Variants in PDSS1 observed in about 807,000 individuals in gnomAD.
PDSS1 encodes the protein decaprenyl diphosphate synthase subunit 1, also known as all trans-polyprenyl-diphosphate synthase PDSS1.
A neutral mutation model predicts 57.5 loss-of-function variants in PDSS1; 43 were observed. The ratio of observed to expected loss-of-function variants is 0.75; its 90% CI spans 0.59 to 0.96. PDSS1 has a LOEUF of 0.96. Ranked by LOEUF, PDSS1 falls within the 50% of genes least tolerant of loss-of-function variation. The probability of loss-of-function intolerance (pLI) is 0.00; values close to 1 mark genes in which losing one functional copy is unlikely to be tolerated. For synonymous variants in PDSS1, 175 were observed against 191.3 expected (o/e 0.91, Z 0.70); for missense variants, 438 against 527.8 (o/e 0.83, Z 1.67).
rs1363963633 is a variant in PDSS1 at position 26,746,379 on chromosome 10, A to G, written c.1154A>G (p.His385Arg). The change falls in exon 12 of 12, where the codon CAT (histidine) becomes CGT (arginine). Residue 385 changes from histidine to arginine, a missense_variant. Physicochemically the swap from His to Arg is conservative, Grantham distance 29. Around this residue, in one of 2 missense-constraint regions of PDSS1, gnomAD observed 284 missense variants for 390.7 expected, o/e 0.73. Transcript: ENST00000376215. ...ACCTACCTCGCCCAGCAGTACTGCC[A>G]TGAAGCAATAAGAGAGATCAGTAAA... ...QTTYLAQQYC[H>R]EAIREISKLR... 3 of 1,614,144 alleles carry G rather than the reference A, an allele frequency of 1.9e-6. No homozygotes were observed. The highest frequency in any genetic ancestry group is 2.5e-6 in the Non-Finnish European group (3 of 1,179,964).
intron 1 of PDSS1, among the ~76,000 whole-genome samples, chr10:26,698,127 C>T (rs1295348557): frequency 6.6e-6 from 1 of 151,790 alleles, no homozygotes; most frequent in African/African-American, 2.4e-5. Flanking sequence ...GATCCGTGTC[C>T]TGGGGGAAGC....
chr10:26,720,372 G>GGTTTTT lies in PDSS1; in HGVS notation c.609+14_609+19dup. ...GGGTGAAAAGAAGGTATGGTTTTTTGGTTTTTTTAAAATCTCTCTTACTGA... is the reference window on the plus strand; with the variant it reads ...GGGTGAAAAGAAGGTATGGTTTTTTGGTTTTTGTTTTTTTAAAATCTCTCTTACTGA... On this transcript the variant is annotated intron_variant, in intron 6 of 11. Transcript: ENST00000376215. 1.3e-6 allele frequency: 2 copies of GGTTTTT among 1,585,606 alleles called. No individual in the cohort carries two copies. Among genetic ancestry groups the GGTTTTT allele is most frequent in the Non-Finnish European group, 1.7e-6 (2 of 1,154,030 alleles).
At position 26,710,132 on chromosome 10, in the gene PDSS1, C is replaced by T. The variant is rs1375034514; in HGVS notation, c.467+364C>T. 6.3e-4 allele frequency among the ~76,000 whole-genome samples: 21 copies of T among 33,084 alleles called. 8 individuals are homozygous for T. The highest frequency in any genetic ancestry group is 5.0e-3 in the Admixed American group (12 of 2,404). The allele number at this position is 33,084 out of a possible 152,430, so 21.7% of individuals were successfully genotyped here. ...TCACGCCATTGCACTCCAGCCTGGG[C>T]GACAGAGCGAGACTCTTGTCTTAAA... On this transcript the variant is annotated intron_variant, in intron 5 of 11. Transcript: ENST00000376215.
chr10:26,746,584 A>T lies in PDSS1; in HGVS notation c.*111A>T, dbSNP rs1308564648. 39 of 1,187,442 alleles carry T rather than the reference A, an allele frequency of 3.3e-5. No homozygotes were observed. Among genetic ancestry groups the T allele is most frequent in the Non-Finnish European group, 4.4e-5 (36 of 815,708 alleles). 73.6% of individuals were successfully genotyped at this position (1,187,442 alleles called of 1,614,324 possible). ...AGATAACCAAAAATCATTTTAAAAG[A>T]TATCAAACTTATTGATGGGCAATTT... On this transcript the variant is annotated 3_prime_UTR_variant, in exon 12 of 12. Coordinates refer to ENST00000376215, the MANE Select transcript of PDSS1 (RefSeq NM_014317.5).
At chr10:26,714,287 A>G (rs925320518) in intron 5 of PDSS1, among the ~76,000 whole-genome samples, 3 of 152,184 alleles carry the variant, frequency 2.0e-5, no homozygotes, top group Non-Finnish European at 2.9e-5. Flanking sequence ...TAGCCTGGCC[A>G]ACATGGTGAA....
chr10:26,732,454 A>G (rs1836241707), intron 8 of PDSS1, among the ~76,000 whole-genome samples: 1 of 152,190 alleles, frequency 6.6e-6, no homozygotes, highest in African/African-American at 2.4e-5. Flanking sequence ...CTTTATGCTT[A>G]CTTGGACACA....
intron 8 of PDSS1, among the ~76,000 whole-genome samples, chr10:26,732,933 A>G (rs1321190115): frequency 6.6e-6 from 1 of 151,796 alleles, no homozygotes; most frequent in Admixed American, 6.6e-5. Context: ...CCAGCCTGAA[A>G]CCCCGTCTCT....
intron 5 of PDSS1, among the ~76,000 whole-genome samples, chr10:26,711,904 C>T (rs1835416595): frequency 1.0e-5 from 1 of 97,264 alleles, no homozygotes; most frequent in Non-Finnish European, 2.4e-5. Context: ...CAGTTCATTG[C>T]TCTCAGAAAT....
At chr10:26,742,628 A>G (rs1383651123) in intron 11 of PDSS1, 51 bp downstream of exon 11, 1 of 1,021,318 alleles carries the variant, frequency 9.8e-7, no homozygotes, top group Non-Finnish European at 1.5e-6. Context: ...ACGTGGCAAA[A>G]TCCTTTAATC....
intron 10 of PDSS1, chr10:26,740,784 A>G: frequency 2.3e-6 from 1 of 428,394 alleles, no homozygotes; most frequent in Non-Finnish European, 4.8e-6. Context: ...CTAAGACCCC[A>G]GGGGCTAAGG....
intron 6 of PDSS1, among the ~76,000 whole-genome samples, chr10:26,722,846 C>T (rs1054709045): frequency 5.9e-5 from 9 of 151,532 alleles, no homozygotes; most frequent in Admixed American, 3.3e-4. Flanking sequence ...ACATCCATCA[C>T]AGTCTAAAGA....
rs541206852 is a variant in PDSS1, at chr10:26,735,562, C to T, written c.1009C>T (p.Leu337=). The T allele has an allele frequency of 1.6e-5, 26 of 1,611,064 alleles. No homozygotes were observed. The South Asian group carries it at 1.9e-4, about 12-fold the overall frequency. ...GCTCGGGTTAGCCACTGGTCCTGTC[C>T]TGTTTGCCTGTCAGCAGGTAGGTTT... is the stretch of plus-strand genomic sequence containing the variant. ...LKLGLATGPV[L]FACQQFPEMN... is the part of the protein sequence containing the mutation. The change falls in exon 10 of 12, where the codon CTG becomes TTG. Residue 337 remains leucine, a synonymous_variant. Coordinates refer to ENST00000376215, the MANE Select transcript of PDSS1 (RefSeq NM_014317.5).
At chr10:26,724,181 A>G (rs1835881164) in intron 8 of PDSS1, 58 bp downstream of exon 8, 1 of 1,168,256 alleles carries the variant, frequency 8.6e-7, no homozygotes, top group Admixed American at 1.7e-5. Flanking sequence ...TTGGGAGCTA[A>G]TTTTCCTAGA....
intron 4 of PDSS1, 102 bp from the exon 5 acceptor site, chr10:26,709,536 G>A: frequency 8.5e-7 from 1 of 1,177,962 alleles, no homozygotes; most frequent in Non-Finnish European, 1.3e-6. Flanking sequence ...ACTCCAGTCT[G>A]GGCAACAAGA....
chr10:26,704,708 C>T lies in PDSS1; in HGVS notation c.194C>T (p.Thr65Ile), dbSNP rs1835153499. 5 of 1,449,914 alleles carry T rather than the reference C, an allele frequency of 3.4e-6. No individual in the cohort carries two copies. Among genetic ancestry groups the T allele is most frequent in the Non-Finnish European group, 4.9e-6 (5 of 1,030,830 alleles). The allele number at this position is 1,449,914 out of a possible 1,614,324, so 89.8% of individuals were successfully genotyped here. Reference protein sequence around the residue: ...IPYINLVKHLTSACPNVCRIS... With the variant: ...IPYINLVKHLISACPNVCRIS... The stretch of plus-strand genomic sequence containing the variant: ...TATATTAATCTTGTGAAGCATTTAA[C>T]ATCTGCCTGTCCAAATGTATGTCGT... Residue 65 changes from threonine to isoleucine, a missense_variant, in exon 3 of 12, where the codon ACA (threonine) becomes ATA (isoleucine). By Grantham distance (89) the Thr-to-Ile change is moderately conservative (BLOSUM62 -1). Coordinates refer to ENST00000376215, the MANE Select transcript of PDSS1 (RefSeq NM_014317.5).
chr10:26,738,532 CTG>C (rs780995327), intron 10 of PDSS1, among the ~76,000 whole-genome samples: 35 of 152,216 alleles, frequency 2.3e-4, no homozygotes, highest in Non-Finnish European at 3.7e-4. Context: ...AGAATCATCT[CTG>C]TGTCATGTCT....
intron 1 of PDSS1, among the ~76,000 whole-genome samples, chr10:26,699,728 A>G (rs111665281): frequency 7.9e-5 from 12 of 152,256 alleles, no homozygotes; most frequent in Non-Finnish European, 1.6e-4. Flanking sequence ...TTTCTTGCCC[A>G]CCAAGCAACC....
chr10:26,719,035 G>C (rs1368184863), intron 5 of PDSS1, among the ~76,000 whole-genome samples: 1 of 152,180 alleles, frequency 6.6e-6, no homozygotes, highest in Non-Finnish European at 1.5e-5. Flanking sequence ...ACCTTGTGCA[G>C]ATGTTCAGAT....
At chr10:26,728,863 C>T (rs902173636) in intron 8 of PDSS1, among the ~76,000 whole-genome samples, 15 of 148,126 alleles carry the variant, frequency 1.0e-4, no homozygotes, top group Admixed American at 2.7e-4. Flanking sequence ...ACTGCAACCT[C>T]CACCTCCCGG....
Sources: gnomAD v4.1 joint callset for allele counts (sites outside exome capture counted in the v4.1 genomes callset) on GRCh38, gnomAD v4.1.1 for gene constraint, gnomAD v4.1.1 regional missense constraint, MANE v1.5 for transcripts, NCBI Gene and HGNC (gene_info 2026-07-23, HGNC 2026-07-21) for gene names.